Variants in MGAT4C observed in about 807,000 individuals in gnomAD.
MGAT4C encodes the protein alpha-1,3-mannosyl-glycoprotein 4-beta-N-acetylglucosaminyltransferase C.
Under a neutral mutation model 40.1 loss-of-function variants are expected in MGAT4C, and 19 were observed. The ratio of observed to expected loss-of-function variants is 0.47; its 90% CI spans 0.33 to 0.70. MGAT4C has a LOEUF of 0.70. MGAT4C is among the 30% of genes least tolerant of loss of function. The probability of loss-of-function intolerance (pLI) is 0.02; values close to 1 mark genes in which losing one functional copy is unlikely to be tolerated. For missense variants in MGAT4C, 491 were observed against 563.2 expected (o/e 0.87, Z 1.30); for synonymous variants, 181 against 187.1 (o/e 0.97, Z 0.27).
At chr12:86,759,047 C>T (rs982899395) in intron 1 of MGAT4C, among the ~76,000 whole-genome samples, 2 of 152,034 alleles carry the variant, frequency 1.3e-5, no homozygotes, top group East Asian at 1.9e-4. Flanking sequence ...TCCCTCCCCG[C>T]TCTGTTCCCT....
chr12:86,256,100 A>G (rs982368976), intron 1 of MGAT4C, 139 bp downstream of exon 1: 2 of 152,096 alleles, frequency 1.3e-5, no homozygotes, highest in Non-Finnish European at 2.9e-5. Flanking sequence ...TGCTAACTCC[A>G]TAGTCCTTTA....
chr12:86,405,946 ACATG>A (rs1325423555), intron 3 of MGAT4C, among the ~76,000 whole-genome samples: 22 of 3,350 alleles, frequency 6.6e-3, no homozygotes, highest in South Asian at 0.047. Context: ...ATTTATAAAT[ACATG>A]TATGTATTTA....
At chr12:86,180,394 A>G (rs950432715) in intron 1 of MGAT4C, among the ~76,000 whole-genome samples, 1 of 152,086 alleles carries the variant, frequency 6.6e-6, no homozygotes, top group Non-Finnish European at 1.5e-5. Flanking sequence ...TGCCTAATGG[A>G]GCTGTAAGAA....
At chr12:86,604,226 G>A (rs1382594069) in intron 2 of MGAT4C, among the ~76,000 whole-genome samples, 1 of 152,012 alleles carries the variant, frequency 6.6e-6, no homozygotes, top group Non-Finnish European at 1.5e-5. Flanking sequence ...AGTTGGGCTT[G>A]GGAGAACTTC....
At position 85,967,597 on chromosome 12, in the gene MGAT4C, A is replaced by G. The variant is rs1163810473; in HGVS notation, c.*11692T>C. ...TTTGAGGTGTATCCATTTATTTAAAAAAGCCTCATTTTAGCTAGCAACACT... is the reference window on the plus strand; with the variant it reads ...TTTGAGGTGTATCCATTTATTTAAAGAAGCCTCATTTTAGCTAGCAACACT... On this transcript the variant is annotated 3_prime_UTR_variant, in exon 5 of 5. Coordinates refer to ENST00000611864, the MANE Select transcript of MGAT4C (RefSeq NM_001351288.2). 4.6e-5 allele frequency: 7 copies of G among 152,126 alleles called. No individual in the cohort carries two copies. Among genetic ancestry groups the G allele is most frequent in the Non-Finnish European group, 2.9e-5 (2 of 67,984 alleles). 9.4% of individuals were successfully genotyped at this position (152,126 alleles called of 1,614,324 possible).
chr12:86,324,917 G>A lies in MGAT4C; in HGVS notation c.-57+9148C>T, dbSNP rs538905071. Among the ~76,000 whole-genome samples the A allele has an allele frequency of 3.3e-5, 5 of 152,064 alleles. No homozygotes were observed. The East Asian group carries it at 9.7e-4, about 29-fold the overall frequency. On this transcript the variant is annotated intron_variant, in intron 4 of 7. Coordinates refer to the MGAT4C transcript ENST00000548651. ...TAACCACTTCCTAATGATTATTATTGAGCCTTGCAGTGTTAAAATGACATG... is the reference window on the plus strand; with the variant it reads ...TAACCACTTCCTAATGATTATTATTAAGCCTTGCAGTGTTAAAATGACATG...
At chr12:86,247,147 G>A (rs1174309162) in intron 1 of MGAT4C, among the ~76,000 whole-genome samples, 3 of 152,132 alleles carry the variant, frequency 2.0e-5, no homozygotes. Flanking sequence ...TGCACAATCT[G>A]TTCTCTTACT....
chr12:86,601,592 G>T (rs999991795), intron 2 of MGAT4C, among the ~76,000 whole-genome samples: 8 of 152,076 alleles, frequency 5.3e-5, no homozygotes, highest in African/African-American at 1.9e-4. Context: ...TTTTCCTGAA[G>T]CAGGCCAGGA....
chr12:86,023,053 A>G (rs1201528557), intron 2 of MGAT4C, among the ~76,000 whole-genome samples: 2 of 152,158 alleles, frequency 1.3e-5, no homozygotes, highest in African/African-American at 4.8e-5. Context: ...TCTCACCACC[A>G]TCTGAGCAGA....
At chr12:86,206,380 G>GT (rs998971155) in intron 1 of MGAT4C, among the ~76,000 whole-genome samples, 1 of 152,150 alleles carries the variant, frequency 6.6e-6, no homozygotes, top group African/African-American at 2.4e-5. Flanking sequence ...ACCAAAGTTT[G>GT]TCAGAAATAT....
intron 2 of MGAT4C, among the ~76,000 whole-genome samples, chr12:86,519,132 G>C (rs369350867): frequency 6.6e-6 from 1 of 152,078 alleles, no homozygotes; most frequent in African/African-American, 2.4e-5. Context: ...TTGCTCAAGT[G>C]CATAAAATTC....
chr12:86,498,992 C>T (rs1958288937), intron 2 of MGAT4C, among the ~76,000 whole-genome samples: 1 of 151,902 alleles, frequency 6.6e-6, no homozygotes, highest in Non-Finnish European at 1.5e-5. Context: ...TCACCATTTC[C>T]AAAAGAGAAT....
intron 2 of MGAT4C, among the ~76,000 whole-genome samples, chr12:86,462,757 C>A (rs1957620585): frequency 6.6e-6 from 1 of 152,136 alleles, no homozygotes; most frequent in African/African-American, 2.4e-5. Flanking sequence ...TGTTTGAGTG[C>A]AAGAAGCAGC....
At chr12:86,143,977 T>C (rs144995931) in intron 1 of MGAT4C, among the ~76,000 whole-genome samples, 26 of 152,310 alleles carry the variant, frequency 1.7e-4, no homozygotes, top group African/African-American at 6.3e-4. Flanking sequence ...TCCTTTGTGA[T>C]GTCAGCCCCT....
intron 1 of MGAT4C, among the ~76,000 whole-genome samples, chr12:86,215,355 A>C (rs192467893): frequency 3.3e-5 from 5 of 152,252 alleles, no homozygotes; most frequent in Admixed American, 3.3e-4. Context: ...TATCTTTGCA[A>C]TTTTCATGTT....
intron 1 of MGAT4C, among the ~76,000 whole-genome samples, chr12:86,227,750 G>C: frequency 6.6e-6 from 1 of 151,810 alleles, no homozygotes; most frequent in Non-Finnish European, 1.5e-5. Flanking sequence ...AGAAGTATCT[G>C]ATACCAAGGA....
chr12:86,129,852 C>T (rs1288192238), intron 1 of MGAT4C, among the ~76,000 whole-genome samples: 1 of 12,998 alleles, frequency 7.7e-5, no homozygotes, highest in Non-Finnish European at 1.1e-4. Context: ...AGCCACCGCG[C>T]CCGGCCACAA....
chr12:86,233,336 G>A (rs946387077), intron 1 of MGAT4C, among the ~76,000 whole-genome samples: 15 of 152,202 alleles, frequency 9.9e-5, no homozygotes, highest in Non-Finnish European at 4.4e-5. Flanking sequence ...CAAGGGGCCA[G>A]TACTTAACAC....
chr12:86,174,146 C>CAT (rs1438929297), intron 1 of MGAT4C, among the ~76,000 whole-genome samples: 1 of 151,246 alleles, frequency 6.6e-6, no homozygotes, highest in Non-Finnish European at 1.5e-5. Flanking sequence ...CACACACACA[C>CAT]ACACACACAC....
Sources: gnomAD v4.1 joint callset for allele counts (sites outside exome capture counted in the v4.1 genomes callset) on GRCh38, gnomAD v4.1.1 for gene constraint, MANE v1.5 for transcripts, NCBI Gene and HGNC (gene_info 2026-07-23, HGNC 2026-07-21) for gene names.